CDKAL1: variants seen among roughly 807,000 people sequenced by gnomAD.
The protein encoded by CDKAL1 is CDKAL1 threonylcarbamoyladenosine tRNA methylthiotransferase.
Under a neutral mutation model 68.2 loss-of-function variants are expected in CDKAL1, and 32 were observed. The ratio of observed to expected loss-of-function variants is 0.47; its 90% CI spans 0.35 to 0.63. The LOEUF (loss-of-function observed/expected upper bound fraction) is 0.63. Among genes scored for constraint, CDKAL1 ranks in the 30% least tolerant of loss-of-function variants. The pLI, the probability that CDKAL1 is intolerant of heterozygous loss-of-function variation, is 0.00. For missense variants in CDKAL1, 606 were observed against 696.7 expected (o/e 0.87, Z 1.47); for synonymous variants, 234 against 244.3 (o/e 0.96, Z 0.39).
intron 4 of CDKAL1, among the ~76,000 whole-genome samples, chr6:20,627,355 A>T (rs1767478144): frequency 1.3e-5 from 2 of 152,220 alleles, no homozygotes; most frequent in South Asian, 4.1e-4. Context: ...GTCCACAAAT[A>T]TACCATACTC....
At chr6:20,718,466 C>CT (rs1461796489) in intron 5 of CDKAL1, among the ~76,000 whole-genome samples, 2 of 152,054 alleles carry the variant, frequency 1.3e-5, no homozygotes, top group African/African-American at 4.8e-5. Flanking sequence ...CTGTTAGGGG[C>CT]TTAGTGTAGT....
intron 4 of CDKAL1, among the ~76,000 whole-genome samples, chr6:20,596,966 C>G (rs1765854688): frequency 6.6e-6 from 1 of 152,184 alleles, no homozygotes; most frequent in African/African-American, 2.4e-5. Flanking sequence ...CCCCCATGGG[C>G]TGCCCCCACT....
At chr6:21,148,373 A>G (rs1381438798) in intron 13 of CDKAL1, among the ~76,000 whole-genome samples, 1 of 152,204 alleles carries the variant, frequency 6.6e-6, no homozygotes, top group Non-Finnish European at 1.5e-5. Context: ...CTTCTAAAAA[A>G]ATCCAACCTA....
At chr6:20,927,404 C>T (rs540793833) in intron 9 of CDKAL1, among the ~76,000 whole-genome samples, 10 of 152,228 alleles carry the variant, frequency 6.6e-5, no homozygotes, top group Non-Finnish European at 1.5e-4. Context: ...CTTCATGCTT[C>T]AGCACCTCCT....
chr6:20,758,028 C>T (rs187911533), intron 6 of CDKAL1, among the ~76,000 whole-genome samples: 115 of 152,200 alleles, frequency 7.6e-4, no homozygotes, highest in African/African-American at 2.7e-3. Flanking sequence ...TACCTTTCCT[C>T]TGTGTTCCCA....
At chr6:20,768,300 G>C (rs902433889) in intron 7 of CDKAL1, among the ~76,000 whole-genome samples, 27 of 152,096 alleles carry the variant, frequency 1.8e-4, no homozygotes, top group Non-Finnish European at 3.2e-4. Flanking sequence ...TCACATGGAA[G>C]GTCACTTCCA....
intron 5 of CDKAL1, among the ~76,000 whole-genome samples, chr6:20,658,453 ACAGAGGATATCTGCTTTG>A (rs1271227762): frequency 2.0e-5 from 3 of 152,248 alleles, no homozygotes; most frequent in African/African-American, 7.2e-5. Context: ...TGTGTTTGAG[ACAGAGGATATCTGCTTTG>A]TATAACATCT....
intron 4 of CDKAL1, among the ~76,000 whole-genome samples, chr6:20,613,534 C>T (rs549766772): frequency 9.3e-5 from 14 of 150,892 alleles, no homozygotes; most frequent in East Asian, 7.7e-4. Context: ...CTCGGCCTTC[C>T]GAAGTGCTGA....
At chr6:20,584,111 C>G (rs950300337) in intron 4 of CDKAL1, among the ~76,000 whole-genome samples, 2 of 148,576 alleles carry the variant, frequency 1.3e-5, no homozygotes, top group Non-Finnish European at 3.0e-5. Context: ...AATATCCTTA[C>G]TCTTAGGAAG....
chr6:20,903,595 G>A (rs758341021), intron 9 of CDKAL1, among the ~76,000 whole-genome samples: 1 of 152,156 alleles, frequency 6.6e-6, no homozygotes, highest in Non-Finnish European at 1.5e-5. Flanking sequence ...TGAACACAGT[G>A]CCTGAGGAGA....
At chr6:21,060,414 C>T (rs1206887346) in intron 11 of CDKAL1, among the ~76,000 whole-genome samples, 1 of 152,094 alleles carries the variant, frequency 6.6e-6, no homozygotes, top group Non-Finnish European at 1.5e-5. Flanking sequence ...TAAAGCTGGT[C>T]ATCTGTATCT....
rs895716560 is a variant in CDKAL1, at chr6:20,830,694, C to T, written c.639-15381C>T. 2.6e-5 allele frequency among the ~76,000 whole-genome samples: 4 copies of T among 152,088 alleles called. No homozygotes were observed. In the East Asian group the frequency reaches 7.7e-4, roughly 29 times the overall value. On this transcript the variant is annotated intron_variant, in intron 8 of 15. Coordinates refer to ENST00000274695, the MANE Select transcript of CDKAL1 (RefSeq NM_017774.3). ...CCTGTGCCCCTACACCTCTCCTTCC[C>T]TCCTTCTCTCCTCTCCTATTAAGAA...
intron 9 of CDKAL1, among the ~76,000 whole-genome samples, chr6:20,868,552 A>C (rs141440824): frequency 6.6e-6 from 1 of 152,248 alleles, no homozygotes; most frequent in African/African-American, 2.4e-5. Context: ...ATGGAAGCCA[A>C]CTTCTGCTTA....
At chr6:20,928,228 A>G (rs1235948190) in intron 9 of CDKAL1, among the ~76,000 whole-genome samples, 1 of 152,232 alleles carries the variant, frequency 6.6e-6, no homozygotes. Context: ...TGCCACGGGC[A>G]GGCTGGTAAT....
intron 8 of CDKAL1, among the ~76,000 whole-genome samples, chr6:20,820,425 C>G (rs1418301637): frequency 6.6e-6 from 1 of 152,034 alleles, no homozygotes; most frequent in Admixed American, 6.6e-5. Flanking sequence ...TTATATTATT[C>G]TGAATTTAAA....
At chr6:20,711,908 A>G (rs1771864495) in intron 5 of CDKAL1, among the ~76,000 whole-genome samples, 1 of 152,220 alleles carries the variant, frequency 6.6e-6, no homozygotes, top group South Asian at 2.1e-4. Context: ...GCTGTAGTAC[A>G]CACCATTGAT....
At chr6:20,547,548 TTA>T (rs1763655189) in intron 3 of CDKAL1, among the ~76,000 whole-genome samples, 1 of 152,150 alleles carries the variant, frequency 6.6e-6, no homozygotes, top group Non-Finnish European at 1.5e-5. Flanking sequence ...GATAATGTAA[TTA>T]TATGGTTTTA....
At chr6:21,155,341 A>G (rs1171177644) in intron 13 of CDKAL1, among the ~76,000 whole-genome samples, 1 of 152,150 alleles carries the variant, frequency 6.6e-6, no homozygotes, top group Non-Finnish European at 1.5e-5. Flanking sequence ...TTTAGTACCA[A>G]TTCCTTGTAC....
At chr6:21,106,599 A>G (rs904254174) in intron 12 of CDKAL1, among the ~76,000 whole-genome samples, 2 of 152,238 alleles carry the variant, frequency 1.3e-5, no homozygotes, top group African/African-American at 2.4e-5. Context: ...CAAGAGTACA[A>G]TTTAAAATAA....
Sources: allele counts gnomAD v4.1 joint callset (sites outside exome capture counted in the v4.1 genomes callset), GRCh38; gene constraint gnomAD v4.1.1; transcripts MANE v1.5; gene names NCBI Gene and HGNC (gene_info 2026-07-23, HGNC 2026-07-21).